LRRK1: variants seen among roughly 807,000 people sequenced by gnomAD.
LRRK1 encodes leucine rich repeat kinase 1, also known as leucine-rich repeat serine/threonine-protein kinase 1.
Under a neutral mutation model 209.1 loss-of-function variants are expected in LRRK1, and 113 were observed. The ratio of observed to expected loss-of-function variants is 0.54; its 90% CI spans 0.46 to 0.63. LRRK1 has a LOEUF of 0.63. Among genes scored for constraint, LRRK1 ranks in the 30% least tolerant of loss-of-function variants. LRRK1 has a pLI of 0.00. For synonymous variants in LRRK1, 1,144 were observed against 1,099.7 expected, an observed-to-expected ratio of 1.04 and a Z score of -0.80; for missense variants, 2,284 against 2,632.2, an observed-to-expected ratio of 0.87 and a Z score of 2.89.
chr15:100,957,220 T>G (rs1411150770), intron 2 of LRRK1, among the ~76,000 whole-genome samples: 2 of 152,238 alleles, frequency 1.3e-5, no homozygotes, highest in Non-Finnish European at 2.9e-5. Flanking sequence ...ACATATGACA[T>G]TTCTTGGGGA....
chr15:101,025,285 G>A (rs2033973756), intron 16 of LRRK1, among the ~76,000 whole-genome samples: 2 of 152,158 alleles, frequency 1.3e-5, no homozygotes, highest in Non-Finnish European at 2.9e-5. Flanking sequence ...TGTCTGAAGG[G>A]TCAGAAATCC....
intron 3 of LRRK1, chr15:100,974,221 G>A (rs1003166668): frequency 1.1e-5 from 4 of 367,512 alleles, no homozygotes; most frequent in East Asian, 4.0e-5. Context: ...TCACTTAAAT[G>A]TAAAGAACAA....
At chr15:100,972,624 C>T (rs866874794) in intron 2 of LRRK1, among the ~76,000 whole-genome samples, 9 of 152,050 alleles carry the variant, frequency 5.9e-5, no homozygotes, top group Middle Eastern at 6.8e-3. Context: ...TTTTAGTAGT[C>T]GGACTTGTAG....
chr15:100,953,759 A>G (rs2141625457), intron 2 of LRRK1, among the ~76,000 whole-genome samples: 1 of 152,216 alleles, frequency 6.6e-6, no homozygotes, highest in East Asian at 1.9e-4. Flanking sequence ...GAGCCTTCAT[A>G]CTTTTTCCCA....
chr15:100,923,642 T>C (rs1475652134), intron 1 of LRRK1, among the ~76,000 whole-genome samples: 1 of 152,212 alleles, frequency 6.6e-6, no homozygotes, highest in Non-Finnish European at 1.5e-5. Flanking sequence ...ATGGGGGGAC[T>C]CTAAGCTCAG....
intron 2 of LRRK1, among the ~76,000 whole-genome samples, chr15:100,931,677 A>T (rs2042214845): frequency 6.6e-6 from 1 of 152,096 alleles, no homozygotes; most frequent in Admixed American, 6.5e-5. Context: ...TCCTCCAGTC[A>T]TTCTGCCCCC....
intron 2 of LRRK1, among the ~76,000 whole-genome samples, chr15:100,972,251 C>T (rs1174572975): frequency 6.6e-6 from 1 of 151,648 alleles, no homozygotes; most frequent in East Asian, 1.9e-4. Flanking sequence ...GCATAAGCCA[C>T]CACACCCAGC....
intron 8 of LRRK1, 46 bp downstream of exon 8, chr15:101,010,623 G>T (rs2033184682): frequency 6.3e-7 from 1 of 1,595,828 alleles, no homozygotes. Context: ...TTTCTTCTTG[G>T]TAGGGATATT....
chr15:100,957,675 A>G (rs139332742), intron 2 of LRRK1, among the ~76,000 whole-genome samples: 54 of 152,134 alleles, frequency 3.5e-4, no homozygotes, highest in African/African-American at 1.3e-3. Flanking sequence ...CTTTCCATCT[A>G]TGTGTATGTT....
chr15:100,969,529 G>A (rs1342218253), intron 2 of LRRK1, among the ~76,000 whole-genome samples: 2 of 151,970 alleles, frequency 1.3e-5, no homozygotes, highest in Non-Finnish European at 2.9e-5. Flanking sequence ...TACATGAGCA[G>A]GATGTGCTTG....
chr15:101,014,354 G>A lies in LRRK1; in HGVS notation c.1458G>A (p.Ala486=), dbSNP rs759850263. 9.9e-6 allele frequency: 16 copies of A among 1,613,700 alleles called. No homozygotes were observed. Among genetic ancestry groups the A allele is most frequent in the East Asian group, 2.2e-5 (1 of 44,866 alleles). The change falls in exon 11 of 34, where the codon GCG becomes GCA. Residue 486 remains alanine (A), a synonymous_variant. Transcript: ENST00000388948. ...TGAGGTTACAGGGGAACCAGCTGGC[G>A]GCACTTCCACCTCAAGAGAAGTGGA... ...MFLRLQGNQL[A]ALPPQEKWTC... is the part of the protein sequence containing the mutation.
At chr15:100,920,816 T>C (rs564506423) in intron 1 of LRRK1, among the ~76,000 whole-genome samples, 1 of 152,188 alleles carries the variant, frequency 6.6e-6, no homozygotes, top group African/African-American at 2.4e-5. Context: ...AGTCCTTCAG[T>C]AGCTTCTCCT....
chr15:100,952,460 C>G (rs2042673976), intron 2 of LRRK1, among the ~76,000 whole-genome samples: 1 of 152,180 alleles, frequency 6.6e-6, no homozygotes, highest in Non-Finnish European at 1.5e-5. Context: ...CTTCTAATGC[C>G]TACATCGTTT....
rs2036727315 is a variant in LRRK1 at position 101,069,926 on chromosome 15, T to G, written c.*1078T>G. On this transcript the variant is annotated 3_prime_UTR_variant, in exon 34 of 34. Transcript: ENST00000388948. ...CACACACATGTGCAAACATAGCCACTTTTTTGTCAAGAGTTACCCTTTGGG... is the reference window on the plus strand; with the variant it reads ...CACACACATGTGCAAACATAGCCACGTTTTTGTCAAGAGTTACCCTTTGGG... 1 of 152,198 alleles carries G rather than the reference T, an allele frequency of 6.6e-6. No individual in the cohort carries two copies. Among genetic ancestry groups the G allele is most frequent in the Admixed American group, 6.5e-5 (1 of 15,282 alleles). 9.4% of individuals were successfully genotyped at this position (152,198 alleles called of 1,614,324 possible).
chr15:100,927,451 C>T (rs2042135536), intron 2 of LRRK1, among the ~76,000 whole-genome samples: 2 of 152,182 alleles, frequency 1.3e-5, no homozygotes, highest in East Asian at 3.9e-4. Context: ...TCCCTGCTAT[C>T]CCTGTTCTGT....
At position 101,066,059 on chromosome 15, in the gene LRRK1, C is replaced by T; in HGVS notation, c.5622C>T (p.Asp1874=). ...CTTCCAGTGTGCCTTTCTCCACCGA[C>T]TGCGAGGACTCAGACATGCTACATA... is the stretch of plus-strand genomic sequence containing the variant. ...ASSSSVPFST[D]CEDSDMLHTP... is the part of the protein sequence containing the mutation. The change falls in exon 32 of 34, where the codon GAC becomes GAT. Residue 1874 remains aspartate (D), a synonymous_variant. Coordinates refer to ENST00000388948, the MANE Select transcript of LRRK1 (RefSeq NM_024652.6). 2 of 1,614,198 alleles carry T rather than the reference C, an allele frequency of 1.2e-6. No individual in the cohort carries two copies. The highest frequency in any genetic ancestry group is 2.2e-5 in the South Asian group (2 of 91,086).
At position 101,065,829 on chromosome 15, in the gene LRRK1, GCAGC is replaced by G; in HGVS notation, c.5399_5402del (p.Ser1800ThrfsTer16). ...GCGGCCCTTGGACACGGAACCCCCG[GCAGC>G]CAGCCACACGGCCAACCCAAAGGTG... On this transcript the variant is annotated frameshift_variant, in exon 32 of 34. Transcript: ENST00000388948. LOFTEE classifies it high-confidence loss of function. 6.2e-7 allele frequency: 1 copy of G among 1,614,052 alleles called. No individual in the cohort carries two copies. The highest frequency in any genetic ancestry group is 8.5e-7 in the Non-Finnish European group (1 of 1,180,014).
At chr15:100,981,092 G>GAGA (rs1290148878) in intron 3 of LRRK1, among the ~76,000 whole-genome samples, 3 of 152,230 alleles carry the variant, frequency 2.0e-5, no homozygotes, top group Non-Finnish European at 2.9e-5. Flanking sequence ...TAAAGGCATA[G>GAGA]AGAGAGGCCT....
At chr15:101,047,683 T>A (rs2035160094) in intron 21 of LRRK1, among the ~76,000 whole-genome samples, 2 of 152,138 alleles carry the variant, frequency 1.3e-5, no homozygotes, top group African/African-American at 4.8e-5. Flanking sequence ...TGAGCCGTAA[T>A]CCCCAGCCCG....
Sources: gnomAD v4.1 joint callset for allele counts (sites outside exome capture counted in the v4.1 genomes callset) on GRCh38, gnomAD v4.1.1 for gene constraint, MANE v1.5 for transcripts, NCBI Gene and HGNC (gene_info 2026-07-23, HGNC 2026-07-21) for gene names.